Variants in CHCHD6 observed in about 807,000 individuals in gnomAD.
CHCHD6 encodes coiled-coil-helix-coiled-coil-helix domain containing 6.
In CHCHD6, 28 loss-of-function variants were observed where a neutral mutation model predicts 32.3. The ratio of observed to expected loss-of-function variants is 0.87; its 90% confidence interval spans 0.64 to 1.19. CHCHD6 has a LOEUF of 1.19. Among genes scored for constraint, CHCHD6 ranks in the 50% most tolerant of loss-of-function variants. The pLI, the probability that CHCHD6 is intolerant of heterozygous loss-of-function variation, is 0.00. For missense variants in CHCHD6, 333 were observed against 307.0 expected (o/e 1.08, Z -0.63); for synonymous variants, 122 against 117.5 (o/e 1.04, Z -0.25).
intron 6 of CHCHD6, among the ~76,000 whole-genome samples, chr3:126,915,207 C>G (rs571155691): frequency 6.6e-6 from 1 of 152,236 alleles, no homozygotes; most frequent in Non-Finnish European, 1.5e-5. Context: ...CAGTCATGCT[C>G]GGGGTGGCCC....
chr3:126,747,248 T>C (rs1936543010), intron 4 of CHCHD6, among the ~76,000 whole-genome samples: 1 of 152,148 alleles, frequency 6.6e-6, no homozygotes, highest in African/African-American at 2.4e-5. Flanking sequence ...ATGATCTGGG[T>C]CTTGGTGTGC....
chr3:126,939,320 A>C (rs1164605051), intron 6 of CHCHD6, among the ~76,000 whole-genome samples: 1 of 152,232 alleles, frequency 6.6e-6, no homozygotes, highest in African/African-American at 2.4e-5. Context: ...TGTGTGTTTT[A>C]AGAAAATAGC....
intron 4 of CHCHD6, among the ~76,000 whole-genome samples, chr3:126,764,016 T>C (rs1937258138): frequency 6.6e-6 from 1 of 152,002 alleles, no homozygotes; most frequent in Non-Finnish European, 1.5e-5. Context: ...TAACTCTGCT[T>C]CTATATAGCT....
chr3:126,881,387 A>G lies in CHCHD6; in HGVS notation c.495+28657A>G, dbSNP rs909482996. Among the ~76,000 whole-genome samples, 3 of 152,188 alleles carry G rather than the reference A, an allele frequency of 2.0e-5. No individual in the cohort carries two copies. The South Asian group carries it at 6.2e-4, about 32-fold the overall frequency. On this transcript the variant is annotated intron_variant, in intron 5 of 7. Coordinates refer to ENST00000290913, the MANE Select transcript of CHCHD6 (RefSeq NM_032343.3). ...TGGTTTCCTTTGTTTGCCTTTCCAC[A>G]GGGCTCTGTGCTGGACATGCTGAGC...
At chr3:126,741,658 G>C (rs555783135) in intron 4 of CHCHD6, among the ~76,000 whole-genome samples, 1 of 152,312 alleles carries the variant, frequency 6.6e-6, no homozygotes, top group South Asian at 2.1e-4. Context: ...ATCCGATACT[G>C]AAACAACTGG....
intron 3 of CHCHD6, among the ~76,000 whole-genome samples, chr3:126,730,925 A>G (rs544507447): frequency 3.8e-4 from 58 of 152,082 alleles, no homozygotes; most frequent in Non-Finnish European, 7.1e-4. Flanking sequence ...CCTGGGCAAC[A>G]TAGCAAGACC....
At chr3:126,823,911 A>C (rs556193234) in intron 4 of CHCHD6, among the ~76,000 whole-genome samples, 273 of 152,072 alleles carry the variant, frequency 1.8e-3, no homozygotes, top group African/African-American at 5.4e-3. Context: ...AAAAACACAC[A>C]CACACACACC....
intron 6 of CHCHD6, among the ~76,000 whole-genome samples, chr3:126,942,518 T>C (rs1030297581): frequency 1.3e-5 from 2 of 150,494 alleles, no homozygotes; most frequent in African/African-American, 2.4e-5. Context: ...CAAGGACTCA[T>C]ATTTATTCAT....
intron 4 of CHCHD6, among the ~76,000 whole-genome samples, chr3:126,738,643 T>C (rs1936159967): frequency 6.6e-6 from 1 of 152,188 alleles, no homozygotes; most frequent in South Asian, 2.1e-4. Context: ...TTGGATGTGT[T>C]ACTGCTTTGA....
Position 126,730,542 on chromosome 3 carries a change from T to C in CHCHD6, c.197-19T>C. On this transcript the variant is annotated intron_variant, in intron 2 of 7. Transcript: ENST00000290913. ...CCTGGGGTGCCACTGACAGGCCCTT[T>C]CTTCTCTTTCCTTTGCAGAATCCAC... 6.2e-7 allele frequency: 1 copy of C among 1,611,432 alleles called. No homozygotes were observed. Among genetic ancestry groups the C allele is most frequent in the East Asian group, 2.2e-5 (1 of 44,822 alleles).
chr3:126,761,854 T>A (rs1232825418), intron 4 of CHCHD6, among the ~76,000 whole-genome samples: 1 of 152,248 alleles, frequency 6.6e-6, no homozygotes, highest in Non-Finnish European at 1.5e-5. Flanking sequence ...TGAAATGTTC[T>A]ATTTATTCTT....
chr3:126,848,053 C>A (rs888999178), intron 4 of CHCHD6, among the ~76,000 whole-genome samples: 1 of 152,204 alleles, frequency 6.6e-6, no homozygotes, highest in African/African-American at 2.4e-5. Context: ...GATCATAACT[C>A]ACCGCAGCCT....
intron 4 of CHCHD6, among the ~76,000 whole-genome samples, chr3:126,839,755 A>G (rs1057464915): frequency 4.6e-5 from 7 of 152,148 alleles, no homozygotes; most frequent in African/African-American, 1.4e-4. Flanking sequence ...CTGTATTTCA[A>G]TATAATTCGT....
intron 4 of CHCHD6, among the ~76,000 whole-genome samples, chr3:126,788,226 C>T (rs1938327813): frequency 6.6e-6 from 1 of 152,128 alleles, no homozygotes; most frequent in Admixed American, 6.5e-5. Flanking sequence ...ATTTCGTTTG[C>T]CAGTATTTTA....
At chr3:126,805,374 T>C (rs1576438303) in intron 4 of CHCHD6, among the ~76,000 whole-genome samples, 2 of 152,226 alleles carry the variant, frequency 1.3e-5, no homozygotes, top group Admixed American at 1.3e-4. Context: ...AAAATCAATG[T>C]GCAAAAGTCA....
At chr3:126,770,114 G>A (rs893274877) in intron 4 of CHCHD6, among the ~76,000 whole-genome samples, 1 of 152,150 alleles carries the variant, frequency 6.6e-6, no homozygotes, top group Non-Finnish European at 1.5e-5. Context: ...TATTGTGAAT[G>A]GGATTGTGCT....
intron 4 of CHCHD6, among the ~76,000 whole-genome samples, chr3:126,754,277 C>T (rs1397211325): frequency 6.6e-6 from 1 of 152,238 alleles, no homozygotes. Flanking sequence ...ATTGACTTCA[C>T]AGGGTTGTTG....
At chr3:126,894,093 C>T (rs755521918) in intron 5 of CHCHD6, among the ~76,000 whole-genome samples, 1 of 152,262 alleles carries the variant, frequency 6.6e-6, no homozygotes, top group Non-Finnish European at 1.5e-5. Flanking sequence ...ATTGTCCTTC[C>T]TTCAGCTGGG....
At chr3:126,754,695 G>A (rs1394470262) in intron 4 of CHCHD6, among the ~76,000 whole-genome samples, 1 of 152,206 alleles carries the variant, frequency 6.6e-6, no homozygotes, top group African/African-American at 2.4e-5. Flanking sequence ...TGTAACTGCT[G>A]CTAGGAACCC....
Sources: allele counts gnomAD v4.1 joint callset (sites outside exome capture counted in the v4.1 genomes callset), GRCh38; gene constraint gnomAD v4.1.1; transcripts MANE v1.5; gene names NCBI Gene and HGNC (gene_info 2026-07-23, HGNC 2026-07-21).